The following PDCD6IP variants were observed in gnomAD, a reference collection of about 807,000 sequenced individuals.
The protein encoded by PDCD6IP is programmed cell death 6 interacting protein, also known as programmed cell death 6-interacting protein.
A neutral mutation model predicts 103.7 loss-of-function variants in PDCD6IP; 43 were observed. The ratio of observed to expected loss-of-function variants is 0.41; its 90% CI spans 0.32 to 0.53. The LOEUF (loss-of-function observed/expected upper bound fraction) is 0.53, where lower values mean the gene tolerates loss of function less well. Ranked by LOEUF, PDCD6IP falls within the 20% of genes least tolerant of loss-of-function variation. PDCD6IP has a pLI of 0.16. For missense variants in PDCD6IP, 871 were observed against 1,036.7 expected, an observed-to-expected ratio of 0.84 and a Z score of 2.20; for synonymous variants, 354 against 378.7, an observed-to-expected ratio of 0.93 and a Z score of 0.76.
At chr3:33,830,237 T>C (rs948256265) in intron 7 of PDCD6IP, among the ~76,000 whole-genome samples, 10 of 152,168 alleles carry the variant, frequency 6.6e-5, no homozygotes, top group Non-Finnish European at 1.3e-4. Context: ...CCCAGATGTG[T>C]CTGGGGCTTC....
chr3:33,798,807 C>G lies in PDCD6IP; in HGVS notation c.79C>G (p.Gln27Glu), dbSNP rs371329482. Residue 27 changes from glutamine (Q) to glutamate (E), a missense_variant, in exon 1 of 18, where the codon CAG (glutamine) becomes GAG (glutamate). This residue lies in a region of PDCD6IP where 114 missense variants were observed against 106.7 expected (regional missense o/e 1.07). Coordinates refer to ENST00000307296, the MANE Select transcript of PDCD6IP (RefSeq NM_013374.6). ...LAKPLVKFIQ[Q>E]TYPSGGEEQA... Reference sequence around the variant, plus strand: ...CAAGCCGCTGGTGAAGTTCATCCAGCAGACTTACCCAAGCGGCGGGGAAGA... The same window carrying G: ...CAAGCCGCTGGTGAAGTTCATCCAGGAGACTTACCCAAGCGGCGGGGAAGA... The G allele has an allele frequency of 3.1e-5, 49 of 1,568,604 alleles. No homozygotes were observed. The highest frequency in any genetic ancestry group is 3.7e-5 in the Non-Finnish European group (43 of 1,157,152).
At chr3:33,850,251 T>C (rs1178878385) in intron 12 of PDCD6IP, among the ~76,000 whole-genome samples, 1 of 152,194 alleles carries the variant, frequency 6.6e-6, no homozygotes, top group African/African-American at 2.4e-5. Flanking sequence ...TAAGGGAGTA[T>C]AGTCAGAGTT....
intron 1 of PDCD6IP, 107 bp downstream of exon 1, chr3:33,799,044 C>G (rs1029454031): frequency 2.7e-6 from 3 of 1,099,484 alleles, no homozygotes; most frequent in African/African-American, 1.6e-5. Context: ...GGAGCCGCCC[C>G]GTCCCGGCCT....
At chr3:33,841,811 T>C (rs575041133) in intron 9 of PDCD6IP, 86 bp from the exon 10 acceptor site, 385 of 904,396 alleles carry the variant, frequency 4.3e-4, no homozygotes, top group Non-Finnish European at 6.1e-4. Flanking sequence ...GATTTGGTTA[T>C]AGAATACTAA....
intron 5 of PDCD6IP, among the ~76,000 whole-genome samples, chr3:33,826,033 G>A (rs972445723): frequency 2.6e-5 from 4 of 152,080 alleles, no homozygotes; most frequent in African/African-American, 9.7e-5. Context: ...TTGAAAATGG[G>A]CTGAATATGT....
chr3:33,859,488 G>A (rs10865850), intron 15 of PDCD6IP, among the ~76,000 whole-genome samples: 44,825 of 151,998 alleles, frequency 0.29, 6,859 homozygotes, highest in East Asian at 0.41. Flanking sequence ...ACTCCTAGAA[G>A]TGAACGAGAA....
chr3:33,860,426 G>T (rs1697927457), intron 15 of PDCD6IP, among the ~76,000 whole-genome samples: 1 of 152,132 alleles, frequency 6.6e-6, no homozygotes, highest in South Asian at 2.1e-4. Context: ...GTATACATAA[G>T]TGTGTATCTT....
chr3:33,821,731 C>CT (rs1696995761), intron 3 of PDCD6IP, among the ~76,000 whole-genome samples: 1 of 152,154 alleles, frequency 6.6e-6, no homozygotes, highest in African/African-American at 2.4e-5. Context: ...GAAAGAATAA[C>CT]TTACTGTTCT....
At chr3:33,848,116 T>C (rs1697633574) in intron 12 of PDCD6IP, among the ~76,000 whole-genome samples, 1 of 152,210 alleles carries the variant, frequency 6.6e-6, no homozygotes, top group Non-Finnish European at 1.5e-5. Context: ...TTACTCCTGA[T>C]TTCTCATGAC....
intron 1 of PDCD6IP, among the ~76,000 whole-genome samples, chr3:33,809,947 A>G (rs1030111219): frequency 1.2e-4 from 18 of 152,332 alleles, no homozygotes; most frequent in Middle Eastern, 3.4e-3. Context: ...CAGGAAAAAT[A>G]AGATGTGGAT....
intron 15 of PDCD6IP, among the ~76,000 whole-genome samples, chr3:33,860,391 A>G (rs1289940619): frequency 6.6e-6 from 1 of 152,234 alleles, no homozygotes. Flanking sequence ...TTGAAATCTT[A>G]CTGGATATAA....
At chr3:33,841,288 A>G (rs1226508362) in intron 9 of PDCD6IP, among the ~76,000 whole-genome samples, 1 of 151,972 alleles carries the variant, frequency 6.6e-6, no homozygotes, top group African/African-American at 2.4e-5. Context: ...TGGGCCTCCC[A>G]AAGTGCTGGG....
At chr3:33,841,393 A>G (rs1324431986) in intron 9 of PDCD6IP, among the ~76,000 whole-genome samples, 1 of 138,826 alleles carries the variant, frequency 7.2e-6, no homozygotes, top group Non-Finnish European at 1.6e-5. Flanking sequence ...AATTTTATCA[A>G]TCACTGATTT....
chr3:33,798,678 C>G lies in PDCD6IP; in HGVS notation c.-51C>G, dbSNP rs1696388637. 1 of 1,465,750 alleles carries G rather than the reference C, an allele frequency of 6.8e-7. No individual in the cohort carries two copies. The highest frequency in any genetic ancestry group is 2.5e-5 in the East Asian group (1 of 39,884). 90.8% of individuals were successfully genotyped at this position (1,465,750 alleles called of 1,614,324 possible). ...CCAGTACCTCTCTCTCCTCGGCCCT[C>G]GTAAGCTGTCCGCGGTCTGTTTGGC... is the stretch of plus-strand genomic sequence containing the variant. On this transcript the variant is annotated 5_prime_UTR_variant, in exon 1 of 18. Coordinates refer to ENST00000307296, the MANE Select transcript of PDCD6IP (RefSeq NM_013374.6).
At chr3:33,815,548 G>A (rs968096493) in intron 3 of PDCD6IP, among the ~76,000 whole-genome samples, 1 of 152,176 alleles carries the variant, frequency 6.6e-6, no homozygotes, top group African/African-American at 2.4e-5. Flanking sequence ...CGGGACTAGA[G>A]AGAAACAGAC....
chr3:33,836,234 C>T lies in PDCD6IP; in HGVS notation c.1025C>T (p.Pro342Leu), dbSNP rs151036803. ...IGKATLVKST[P>L]VNVPISQKFT... ...AAAGCCACACTTGTGAAATCTACCC[C>T]GGTCAATGTACCCATCAGTCAGAAA... The change falls in exon 8 of 18, where the codon CCG becomes CTG. Residue 342 changes from proline (P) to leucine (L), a missense_variant. Coordinates refer to ENST00000307296, the MANE Select transcript of PDCD6IP (RefSeq NM_013374.6). The T allele has an allele frequency of 4.3e-4, 685 of 1,610,658 alleles. 7 individuals are homozygous for T. The East Asian group carries it at 0.012, about 28-fold the overall frequency.
chr3:33,819,986 A>G (rs895811892), intron 3 of PDCD6IP, among the ~76,000 whole-genome samples: 9 of 152,226 alleles, frequency 5.9e-5, no homozygotes, highest in African/African-American at 1.9e-4. Flanking sequence ...TCTGCCCAGT[A>G]AATGATAACT....
chr3:33,799,138 T>C (rs1696408805), intron 1 of PDCD6IP: 1 of 601,052 alleles, frequency 1.7e-6, no homozygotes. Context: ...CCGCTTGTCC[T>C]GCCTGCACGT....
At chr3:33,856,232 A>G (rs1028003252) in intron 15 of PDCD6IP, among the ~76,000 whole-genome samples, 11 of 152,288 alleles carry the variant, frequency 7.2e-5, no homozygotes, top group Admixed American at 2.0e-4. Flanking sequence ...CCTGGTGCCA[A>G]AAAGGTTGGG....
Sources: allele counts gnomAD v4.1 joint callset (sites outside exome capture counted in the v4.1 genomes callset), GRCh38; gene constraint gnomAD v4.1.1; regional missense constraint gnomAD v4.1.1; transcripts MANE v1.5; gene names NCBI Gene and HGNC (gene_info 2026-07-23, HGNC 2026-07-21).